The following NEK4 variants were observed in gnomAD, a reference collection of about 807,000 sequenced individuals.
NEK4 encodes the protein NIMA related kinase 4.
Under a neutral mutation model 98.4 loss-of-function variants are expected in NEK4, and 86 were observed. The observed-to-expected ratio is 0.87, with a 90% CI of 0.73 to 1.05. The LOEUF (loss-of-function observed/expected upper bound fraction) is 1.05. Among genes scored for constraint, NEK4 ranks in the 50% least tolerant of loss-of-function variants. The pLI, the probability that NEK4 is intolerant of heterozygous loss-of-function variation, is 0.00. For missense variants in NEK4, 898 were observed against 950.3 expected (o/e 0.94, Z 0.72); for synonymous variants, 328 against 342.2 (o/e 0.96, Z 0.46).
rs192919626 is a variant in NEK4 at position 52,753,620 on chromosome 3, A to G, written c.964-1284T>C. 5.5e-5 allele frequency: 32 copies of G among 582,474 alleles called. No homozygotes were observed. In the Admixed American group the frequency reaches 5.7e-4, roughly 10 times the overall value. 36.1% of individuals were successfully genotyped at this position (582,474 alleles called of 1,614,324 possible). A position where few individuals can be genotyped will look rare whatever the true frequency, so the allele number is the denominator to read the frequency against. On this transcript the variant is annotated intron_variant, in intron 6 of 15. Coordinates refer to ENST00000233027, the MANE Select transcript of NEK4 (RefSeq NM_003157.6). ...GGATGCAAAAACCAGTCTTTGATGA[A>G]CTATGCCAAAGAAACAGCTGCCTTC...
intron 11 of NEK4, among the ~76,000 whole-genome samples, chr3:52,743,662 AC>A (rs2097390637): frequency 1.3e-5 from 2 of 152,202 alleles, no homozygotes; most frequent in Admixed American, 6.5e-5. Flanking sequence ...TGGGCAAGTT[AC>A]TTAACTCCTC....
At chr3:52,741,971 G>C (rs2097387116) in intron 12 of NEK4, among the ~76,000 whole-genome samples, 1 of 151,988 alleles carries the variant, frequency 6.6e-6, no homozygotes, top group East Asian at 1.9e-4. Context: ...GTAGAGACAG[G>C]GTTTCACCAT....
chr3:52,713,450 T>C (rs2097352207), intron 15 of NEK4, among the ~76,000 whole-genome samples: 1 of 141,312 alleles, frequency 7.1e-6, no homozygotes, highest in South Asian at 2.1e-4. Flanking sequence ...TTGCAATAAA[T>C]TATTCTATGC....
At chr3:52,730,078 A>G (rs1578634873) in intron 15 of NEK4, among the ~76,000 whole-genome samples, 1 of 152,222 alleles carries the variant, frequency 6.6e-6, no homozygotes, top group South Asian at 2.1e-4. Context: ...ATGGCACTCT[A>G]GCTTGGTGAC....
In NEK4 at chr3:52,770,915, T is replaced by C. The variant is rs1010735051; in HGVS notation, c.-169A>G. ...CCGGCCCGCGACGACGCCGCTGCCATAGCGATCCGGGCCGGGAGCAGTTCT... is the reference window on the plus strand; with the variant it reads ...CCGGCCCGCGACGACGCCGCTGCCACAGCGATCCGGGCCGGGAGCAGTTCT... On this transcript the variant is annotated 5_prime_UTR_variant, in exon 1 of 16. An upstream start codon of the reference 5' UTR is lost. Coordinates refer to ENST00000233027, the MANE Select transcript of NEK4 (RefSeq NM_003157.6). 1.9e-5 allele frequency: 12 copies of C among 616,400 alleles called. No homozygotes were observed. Among genetic ancestry groups the C allele is most frequent in the South Asian group, 9.7e-5 (5 of 51,436 alleles). 38.2% of individuals were successfully genotyped at this position (616,400 alleles called of 1,614,324 possible). A position where few individuals can be genotyped will look rare whatever the true frequency, so the allele number is the denominator to read the frequency against.
intron 1 of NEK4, 104 bp from the exon 2 acceptor site, chr3:52,768,708 G>A: frequency 1.0e-6 from 1 of 999,048 alleles, no homozygotes; most frequent in South Asian, 1.5e-5. Flanking sequence ...CCAACCTTGT[G>A]GAGCCTGTCA....
Position 52,760,934 on chromosome 3 carries a change from T to TTTC in NEK4, c.822-1_823dup (p.Ile274_Lys275insArg). On this transcript the variant is annotated inframe_insertion and splice_region_variant, in exon 6 of 16. Transcript: ENST00000233027. Reference sequence around the variant, plus strand: ...ATTTTTAATGTTATTTTTGGAGGTTTTTCTTTATAAAGAAGAAAAGAAAGA... The same window carrying TTTC: ...ATTTTTAATGTTATTTTTGGAGGTTTTTCTTCTTTATAAAGAAGAAAAGAAAGA... 6.4e-7 allele frequency: 1 copy of TTTC among 1,568,574 alleles called. No individual in the cohort carries two copies. Among genetic ancestry groups the TTTC allele is most frequent in the Non-Finnish European group, 8.7e-7 (1 of 1,152,932 alleles).
At chr3:52,727,707 G>A (rs1463868979) in intron 15 of NEK4, among the ~76,000 whole-genome samples, 2 of 152,186 alleles carry the variant, frequency 1.3e-5, no homozygotes, top group Non-Finnish European at 2.9e-5. Context: ...CTGACCTCAA[G>A]TGATCCACCC....
intron 11 of NEK4, 99 bp downstream of exon 11, chr3:52,744,140 T>C: frequency 1.2e-6 from 1 of 826,304 alleles, no homozygotes; most frequent in South Asian, 1.4e-5. Flanking sequence ...GTTTTACTGC[T>C]GCTGGAAAGT....
chr3:52,725,032 G>T (rs941709896), intron 15 of NEK4, among the ~76,000 whole-genome samples: 4 of 152,228 alleles, frequency 2.6e-5, no homozygotes, highest in East Asian at 1.9e-4. Context: ...TAGTATTATT[G>T]TAACAATTAT....
intron 14 of NEK4, among the ~76,000 whole-genome samples, chr3:52,738,635 G>A (rs2097380423): frequency 6.6e-6 from 1 of 151,832 alleles, no homozygotes; most frequent in African/African-American, 2.4e-5. Context: ...ATTTTTTGTA[G>A]ACACAAGTTT....
intron 15 of NEK4, among the ~76,000 whole-genome samples, chr3:52,727,332 T>A (rs1363885512): frequency 2.0e-5 from 3 of 152,096 alleles, no homozygotes; most frequent in South Asian, 2.1e-4. Flanking sequence ...TGCACATGGG[T>A]CATTCTCCAG....
At chr3:52,753,896 G>A (rs1025879892) in intron 6 of NEK4, 13 of 351,924 alleles carry the variant, frequency 3.7e-5, no homozygotes, top group Admixed American at 7.6e-5. Context: ...TAGGCCAGGC[G>A]CGGTGGCTCA....
chr3:52,725,331 G>A (rs1450813558), intron 15 of NEK4, among the ~76,000 whole-genome samples: 2 of 151,990 alleles, frequency 1.3e-5, no homozygotes, highest in Admixed American at 1.3e-4. Flanking sequence ...CTAACACGGT[G>A]AAACCCCGTC....
At chr3:52,756,532 G>A (rs543382934) in intron 6 of NEK4, among the ~76,000 whole-genome samples, 2 of 152,236 alleles carry the variant, frequency 1.3e-5, no homozygotes, top group East Asian at 3.9e-4. Context: ...AAATAGTGCT[G>A]AAAAAGCTAG....
chr3:52,766,927 A>G (rs1258845501), intron 2 of NEK4, among the ~76,000 whole-genome samples: 1 of 152,130 alleles, frequency 6.6e-6, no homozygotes, highest in African/African-American at 2.4e-5. Context: ...CGGAGCTTGC[A>G]GTGAGCCAAG....
chr3:52,750,059 C>T (rs1037976277), intron 7 of NEK4, among the ~76,000 whole-genome samples: 1 of 152,148 alleles, frequency 6.6e-6, no homozygotes, highest in African/African-American at 2.4e-5. Flanking sequence ...AAGTTTAATA[C>T]ATAGAGTTAC....
intron 15 of NEK4, among the ~76,000 whole-genome samples, chr3:52,721,309 T>C (rs1399686060): frequency 6.6e-6 from 1 of 152,232 alleles, no homozygotes; most frequent in East Asian, 1.9e-4. Flanking sequence ...ACTGACACTG[T>C]TGCAAACCTC....
intron 15 of NEK4, among the ~76,000 whole-genome samples, chr3:52,732,213 G>C (rs2097370476): frequency 6.6e-6 from 1 of 151,112 alleles, no homozygotes; most frequent in Admixed American, 6.6e-5. Flanking sequence ...TTTTCTTTTT[G>C]AGACACAGTC....
Sources: gnomAD v4.1 joint callset for allele counts (sites outside exome capture counted in the v4.1 genomes callset) on GRCh38, gnomAD v4.1.1 for gene constraint, MANE v1.5 for transcripts, NCBI Gene and HGNC (gene_info 2026-07-23, HGNC 2026-07-21) for gene names.